The following ARHGAP28 variants were observed in gnomAD, a reference collection of about 807,000 sequenced individuals.
The protein encoded by ARHGAP28 is rho GTPase-activating protein 28.
In ARHGAP28, 56 loss-of-function variants were observed where a neutral mutation model predicts 90.7. The ratio of observed to expected loss-of-function variants is 0.62; its 90% CI spans 0.50 to 0.77. The LOEUF is 0.77. Ranked by LOEUF, ARHGAP28 falls within the 30% of genes least tolerant of loss-of-function variation. ARHGAP28 has a pLI of 0.00. For missense variants in ARHGAP28, 869 were observed against 900.9 expected (o/e 0.96, Z 0.45); for synonymous variants, 308 against 323.3 (o/e 0.95, Z 0.51).
chr18:6,751,536 G>A (rs1487440984), intron 1 of ARHGAP28, among the ~76,000 whole-genome samples: 1 of 152,196 alleles, frequency 6.6e-6, no homozygotes, highest in African/African-American at 2.4e-5. Flanking sequence ...TAATTTTAAA[G>A]ACTGGAAAAT....
At chr18:6,755,689 G>A (rs887596408) in intron 1 of ARHGAP28, among the ~76,000 whole-genome samples, 1 of 152,202 alleles carries the variant, frequency 6.6e-6, no homozygotes, top group African/African-American at 2.4e-5. Flanking sequence ...TGCCTGGACA[G>A]CAGGTATAAC....
chr18:6,887,512 C>T (rs942120016), intron 12 of ARHGAP28, among the ~76,000 whole-genome samples: 2 of 150,500 alleles, frequency 1.3e-5, no homozygotes, highest in African/African-American at 2.4e-5. Context: ...CTCACTGCAG[C>T]GTTGACTTCC....
At chr18:6,748,317 G>T (rs1190976470) in intron 1 of ARHGAP28, among the ~76,000 whole-genome samples, 6 of 152,184 alleles carry the variant, frequency 3.9e-5, no homozygotes, top group African/African-American at 9.7e-5. Context: ...TGACTATATT[G>T]TATACCTGGA....
chr18:6,908,175 T>C (rs2057374487), intron 16 of ARHGAP28, among the ~76,000 whole-genome samples: 1 of 152,116 alleles, frequency 6.6e-6, no homozygotes, highest in African/African-American at 2.4e-5. Context: ...TTTCACTCTG[T>C]CGCCCAGGCT....
intron 10 of ARHGAP28, among the ~76,000 whole-genome samples, chr18:6,877,396 C>T (rs1464153908): frequency 1.3e-5 from 2 of 152,158 alleles, no homozygotes; most frequent in Admixed American, 6.5e-5. Flanking sequence ...ATGGAGGAGC[C>T]GTGTGCTGGG....
intron 1 of ARHGAP28, among the ~76,000 whole-genome samples, chr18:6,771,423 G>A (rs1478785431): frequency 6.6e-6 from 1 of 152,148 alleles, no homozygotes; most frequent in Non-Finnish European, 1.5e-5. Context: ...AAATGTGGGA[G>A]CCAAGAGAGG....
rs1381341965 is a variant in ARHGAP28 at position 6,913,404 on chromosome 18, T to C, written c.*1250T>C. On this transcript the variant is annotated 3_prime_UTR_variant, in exon 18 of 18. Transcript: ENST00000383472. Reference sequence around the variant, plus strand: ...AGATTAGCTGGAAATGGGGACAGAGTTCTCATTTATCCCAGATATATACAT... The same window carrying C: ...AGATTAGCTGGAAATGGGGACAGAGCTCTCATTTATCCCAGATATATACAT... 1 of 152,174 alleles carries C rather than the reference T, an allele frequency of 6.6e-6. No individual in the cohort carries two copies. Among genetic ancestry groups the C allele is most frequent in the East Asian group, 1.9e-4 (1 of 5,188 alleles). The allele number at this position is 152,174 out of a possible 1,614,324, so 9.4% of individuals were successfully genotyped here.
chr18:6,821,900 T>G (rs186714267), intron 1 of ARHGAP28, among the ~76,000 whole-genome samples: 1 of 152,348 alleles, frequency 6.6e-6, no homozygotes, highest in Admixed American at 6.5e-5. Context: ...TATCTTCCCC[T>G]TGTCTTCTGT....
At chr18:6,907,807 A>G (rs1490677333) in intron 16 of ARHGAP28, among the ~76,000 whole-genome samples, 1 of 152,152 alleles carries the variant, frequency 6.6e-6, no homozygotes, top group Non-Finnish European at 1.5e-5. Context: ...ATTGAGAGAA[A>G]TCGGTGTAGG....
intron 1 of ARHGAP28, among the ~76,000 whole-genome samples, chr18:6,738,605 TC>T (rs1386563782): frequency 3.8e-4 from 43 of 113,646 alleles, no homozygotes; most frequent in South Asian, 2.2e-3. Flanking sequence ...ATTCTCAACA[TC>T]CTAAAATGAC....
chr18:6,845,624 A>G (rs1353719198), intron 3 of ARHGAP28, among the ~76,000 whole-genome samples: 1 of 152,120 alleles, frequency 6.6e-6, no homozygotes, highest in South Asian at 2.1e-4. Context: ...CCATATGTCC[A>G]TAATGTGTTC....
intron 10 of ARHGAP28, 148 bp from the exon 11 acceptor site, chr18:6,881,989 A>C (rs1031930236): frequency 1.7e-6 from 1 of 585,058 alleles, no homozygotes; most frequent in African/African-American, 1.9e-5. Context: ...TATTTGCCTT[A>C]ATCATGTTGA....
intron 1 of ARHGAP28, among the ~76,000 whole-genome samples, chr18:6,819,491 C>T (rs1411593442): frequency 1.3e-5 from 2 of 152,168 alleles, no homozygotes; most frequent in East Asian, 3.9e-4. Flanking sequence ...TGAGTTTCTG[C>T]AGTTCTGGGC....
rs139867895 is a variant in ARHGAP28, at chr18:6,769,339, C to T, written c.122+39396C>T. On this transcript the variant is annotated intron_variant, in intron 1 of 17. Coordinates refer to ENST00000383472, the MANE Select transcript of ARHGAP28 (RefSeq NM_001366230.1). ...GGACAACCTGTACATCTAAACTATT[C>T]CAAGAAAGTAATTTCCTAACTGGGG... is the stretch of plus-strand genomic sequence containing the variant. Among the ~76,000 whole-genome samples, 14 of 152,270 alleles carry T rather than the reference C, an allele frequency of 9.2e-5. No individual in the cohort carries two copies. In the East Asian group the frequency reaches 2.5e-3, roughly 27 times the overall value.
intron 11 of ARHGAP28, among the ~76,000 whole-genome samples, chr18:6,883,941 T>G (rs1479666605): frequency 2.0e-5 from 3 of 152,214 alleles, no homozygotes; most frequent in African/African-American, 7.2e-5. Context: ...TTTCAGACAT[T>G]GTATTTTTTC....
At chr18:6,776,132 C>T (rs762282063) in intron 1 of ARHGAP28, among the ~76,000 whole-genome samples, 1 of 152,042 alleles carries the variant, frequency 6.6e-6, no homozygotes, top group Non-Finnish European at 1.5e-5. Context: ...AAAAAAATAA[C>T]AATATAGCCC....
chr18:6,887,036 C>G (rs2057227268), intron 11 of ARHGAP28, 121 bp from the exon 12 acceptor site: 1 of 817,740 alleles, frequency 1.2e-6, no homozygotes, highest in Non-Finnish European at 2.0e-6. Flanking sequence ...GGCACAAAAC[C>G]TGAGTCTTTA....
intron 3 of ARHGAP28, among the ~76,000 whole-genome samples, chr18:6,841,170 C>G (rs1156403043): frequency 1.7e-4 from 14 of 81,126 alleles, no homozygotes; most frequent in South Asian, 4.3e-4. Flanking sequence ...TCTCTCTCCT[C>G]TCTCTCTCTC....
intron 1 of ARHGAP28, among the ~76,000 whole-genome samples, chr18:6,777,822 T>C (rs2056296787): frequency 6.6e-6 from 1 of 151,988 alleles, no homozygotes; most frequent in Non-Finnish European, 1.5e-5. Context: ...GACAAGGTTG[T>C]GGGGAGAGGC....
Sources: gnomAD v4.1 joint callset for allele counts (sites outside exome capture counted in the v4.1 genomes callset) on GRCh38, gnomAD v4.1.1 for gene constraint, MANE v1.5 for transcripts, NCBI Gene and HGNC (gene_info 2026-07-23, HGNC 2026-07-21) for gene names.